Variants in MAP3K1 observed in about 807,000 individuals in gnomAD.
MAP3K1 encodes MAP/ERK kinase kinase 1.
In MAP3K1, 36 loss-of-function variants were observed where a neutral mutation model predicts 144.2. The observed-to-expected ratio is 0.25, with a 90% confidence interval of 0.19 to 0.33. The LOEUF is 0.33. Among genes scored for constraint, MAP3K1 ranks in the 10% least tolerant of loss-of-function variants. The probability of loss-of-function intolerance (pLI) is 1.00; values close to 1 mark genes in which losing one functional copy is unlikely to be tolerated. For missense variants in MAP3K1, 1,650 were observed against 1,881.9 expected, an observed-to-expected ratio of 0.88 and a Z score of 2.28; for synonymous variants, 718 against 688.7, an observed-to-expected ratio of 1.04 and a Z score of -0.67.
At chr5:56,817,031 C>T (rs1745998690) in intron 1 of MAP3K1, 1 of 984,688 alleles carries the variant, frequency 1.0e-6, no homozygotes. Flanking sequence ...CTGGCGCGGG[C>T]CGCCCGCTGA....
intron 1 of MAP3K1, among the ~76,000 whole-genome samples, chr5:56,849,700 T>G (rs1351866605): frequency 5.9e-5 from 9 of 152,352 alleles, no homozygotes; most frequent in Non-Finnish European, 2.9e-5. Flanking sequence ...AGTATGTCTC[T>G]GGAGAAACTA....
At chr5:56,887,983 G>C in intron 18 of MAP3K1, 1 of 551,962 alleles carries the variant, frequency 1.8e-6, no homozygotes, top group Non-Finnish European at 3.2e-6. Context: ...TTGCCACATA[G>C]TTTGCTAAGA....
At chr5:56,885,675 T>C (rs528321470) in intron 16 of MAP3K1, among the ~76,000 whole-genome samples, 5 of 152,244 alleles carry the variant, frequency 3.3e-5, no homozygotes, top group Non-Finnish European at 7.3e-5. Context: ...AGAAATAGTT[T>C]AATCCGAAAT....
At chr5:56,893,505 C>T (rs1238055205) in intron 19 of MAP3K1, 26 bp from the exon 20 acceptor site, 1 of 1,613,068 alleles carries the variant, frequency 6.2e-7, no homozygotes, top group East Asian at 2.2e-5. Flanking sequence ...TTGTGCAAAG[C>T]TTCAACACTG....
chr5:56,863,735 T>C (rs1409730370), intron 3 of MAP3K1, among the ~76,000 whole-genome samples: 1 of 152,238 alleles, frequency 6.6e-6, no homozygotes, highest in African/African-American at 2.4e-5. Flanking sequence ...CTGCACATTT[T>C]ACATTCTGCC....
chr5:56,889,442 G>A (rs1251072470), intron 19 of MAP3K1, among the ~76,000 whole-genome samples: 2 of 152,114 alleles, frequency 1.3e-5, no homozygotes, highest in East Asian at 1.9e-4. Context: ...GATTACAGGC[G>A]TGAGCCACCA....
In MAP3K1 at chr5:56,887,394, T is replaced by A; in HGVS notation, c.4131T>A (p.Ile1377=). 6.2e-7 allele frequency: 1 copy of A among 1,614,194 alleles called. No homozygotes were observed. The highest frequency in any genetic ancestry group is 8.5e-7 in the Non-Finnish European group (1 of 1,180,030). ...TGTTGACAGGTGCCAATTTGCTAAT[T>A]GACAGCACTGGTCAGAGACTAAGAA... The part of the protein sequence containing the change: ...HRDVKGANLL[I]DSTGQRLRIA... The change falls in exon 18 of 20, where the codon ATT becomes ATA. Residue 1377 remains isoleucine (I), a synonymous_variant. Coordinates refer to ENST00000399503, the MANE Select transcript of MAP3K1 (RefSeq NM_005921.2).
chr5:56,871,493 C>G (rs890736001), intron 6 of MAP3K1, among the ~76,000 whole-genome samples: 1 of 152,084 alleles, frequency 6.6e-6, no homozygotes, highest in Non-Finnish European at 1.5e-5. Context: ...CTGAAATAGG[C>G]ATTTAAATTT....
At chr5:56,853,898 G>A (rs557184088) in intron 1 of MAP3K1, among the ~76,000 whole-genome samples, 19 of 146,664 alleles carry the variant, frequency 1.3e-4, no homozygotes, top group African/African-American at 3.6e-4. Flanking sequence ...GTCTAAGCCC[G>A]GGGGGAACCA....
intron 1 of MAP3K1, among the ~76,000 whole-genome samples, chr5:56,828,072 A>G (rs946532693): frequency 2.0e-5 from 3 of 152,182 alleles, no homozygotes; most frequent in Non-Finnish European, 4.4e-5. Flanking sequence ...CTCACTACTT[A>G]AACCTTTAAC....
chr5:56,859,781 G>A lies in MAP3K1; in HGVS notation c.700G>A (p.Gly234Arg), dbSNP rs1747448434. ...GAATCACTTAGCAGCTGAGTCTCCA[G>A]GAGAGGTCCAGGCAAGTGCGGCTTC... is the stretch of plus-strand genomic sequence containing the variant. The part of the protein sequence containing the change: ...EMNHLAAESP[G>R]EVQASAASPA... Residue 234 changes from glycine (G) to arginine (R), a missense_variant, in exon 3 of 20, where the codon GGA (glycine) becomes AGA (arginine). Gly to Arg is a moderately radical substitution (Grantham distance 125, BLOSUM62 -2). Around this residue, in one of 6 missense-constraint regions of MAP3K1, gnomAD observed 148 missense variants for 177.2 expected, o/e 0.84. Coordinates refer to ENST00000399503, the MANE Select transcript of MAP3K1 (RefSeq NM_005921.2). 1.2e-6 allele frequency: 2 copies of A among 1,614,066 alleles called. No homozygotes were observed. The highest frequency in any genetic ancestry group is 2.7e-5 in the African/African-American group (2 of 75,048).
Position 56,871,981 on chromosome 5 carries a change from T to C in MAP3K1, c.1373T>C (p.Val458Ala), listed in dbSNP as rs778052082. The C allele has an allele frequency of 1.5e-5, 25 of 1,613,960 alleles. No individual in the cohort carries two copies. Among genetic ancestry groups the C allele is most frequent in the Non-Finnish European group, 2.1e-5 (25 of 1,179,862 alleles). ...LGMLDEESLT[V>A]CEDGCRNKLH... is the part of the protein sequence containing the mutation. ...ATGCTTGATGAAGAAAGTCTTACAG[T>C]GTGTGAAGACGGCTGCAGGAACAAG... Residue 458 changes from valine (V) to alanine (A), a missense_variant, in exon 7 of 20, where the codon GTG becomes GCG. This residue lies in a region of MAP3K1 where 125 missense variants were observed against 179.9 expected (regional missense o/e 0.69). Coordinates refer to ENST00000399503, the MANE Select transcript of MAP3K1 (RefSeq NM_005921.2).
chr5:56,816,244 G>C (rs920241495), intron 1 of MAP3K1, among the ~76,000 whole-genome samples, 189 bp downstream of exon 1: 6 of 152,028 alleles, frequency 3.9e-5, no homozygotes, highest in Non-Finnish European at 8.8e-5. Context: ...CCCAGCCTGG[G>C]GGACCGGACG....
At chr5:56,885,514 T>C (rs1748353912) in intron 16 of MAP3K1, among the ~76,000 whole-genome samples, 1 of 152,222 alleles carries the variant, frequency 6.6e-6, no homozygotes, top group African/African-American at 2.4e-5. Flanking sequence ...AGCTAGTAAA[T>C]GGTAGAATAT....
In MAP3K1 at chr5:56,880,816, A is replaced by T. The variant is rs529689505; in HGVS notation, c.2179+14A>T. Reference sequence around the variant, plus strand: ...TACTAAAAGCTGGTAATAACTTTTCACTTAAAAGGAATATAGCATATTTTA... The same window carrying T: ...TACTAAAAGCTGGTAATAACTTTTCTCTTAAAAGGAATATAGCATATTTTA... On this transcript the variant is annotated intron_variant, in intron 12 of 19. Transcript: ENST00000399503. 1.3e-6 allele frequency: 2 copies of T among 1,591,784 alleles called. No homozygotes were observed. Among genetic ancestry groups the T allele is most frequent in the Admixed American group, 3.3e-5 (2 of 59,898 alleles).
At chr5:56,857,450 T>C (rs1747375264) in intron 2 of MAP3K1, among the ~76,000 whole-genome samples, 1 of 152,146 alleles carries the variant, frequency 6.6e-6, no homozygotes, top group Admixed American at 6.5e-5. Flanking sequence ...AGTATTACAG[T>C]ATCCTAGCAC....
chr5:56,895,363 TTTG>T lies in MAP3K1; in HGVS notation c.*1686_*1688del, dbSNP rs1223908987. The T allele has an allele frequency of 2.7e-4, 42 of 158,186 alleles. No individual in the cohort carries two copies. Among genetic ancestry groups the T allele is most frequent in the Non-Finnish European group, 4.3e-4 (33 of 76,170 alleles). 9.8% of individuals were successfully genotyped at this position (158,186 alleles called of 1,614,324 possible). A position where few individuals can be genotyped will look rare whatever the true frequency, so the allele number is the denominator to read the frequency against. On this transcript the variant is annotated 3_prime_UTR_variant, in exon 20 of 20. Coordinates refer to ENST00000399503, the MANE Select transcript of MAP3K1 (RefSeq NM_005921.2). Reference sequence around the variant, plus strand: ...TGTTGTACTTGACTTTCTTTTTTATTTTGTTTTTTTTTTTTTTTGACTACTTAG... The same window carrying T: ...TGTTGTACTTGACTTTCTTTTTTATTTTTTTTTTTTTTTTTGACTACTTAG...
At chr5:56,848,695 A>G (rs1196325022) in intron 1 of MAP3K1, among the ~76,000 whole-genome samples, 1 of 152,214 alleles carries the variant, frequency 6.6e-6, no homozygotes, top group African/African-American at 2.4e-5. Context: ...GTGCTGGAGA[A>G]TACTTTTAAT....
chr5:56,861,753 T>C (rs1054792352), intron 3 of MAP3K1, among the ~76,000 whole-genome samples: 6 of 151,976 alleles, frequency 3.9e-5, no homozygotes, highest in Non-Finnish European at 8.8e-5. Context: ...TCAAAGAAAT[T>C]TGCAAAAAGA....
Sources: allele counts gnomAD v4.1 joint callset (sites outside exome capture counted in the v4.1 genomes callset), GRCh38; gene constraint gnomAD v4.1.1; regional missense constraint gnomAD v4.1.1; transcripts MANE v1.5; gene names NCBI Gene and HGNC (gene_info 2026-07-23, HGNC 2026-07-21).